Variants in CPQ observed in about 807,000 individuals in gnomAD.
CPQ encodes carboxypeptidase Q, also known as Ser-Met dipeptidase.
In CPQ, 37 loss-of-function variants were observed where a neutral mutation model predicts 45.7. That is an observed-to-expected ratio of 0.81 (90% CI 0.62 to 1.07). CPQ has a LOEUF of 1.07. Among genes scored for constraint, CPQ ranks in the 50% least tolerant of loss-of-function variants. CPQ has a pLI of 0.00. For synonymous variants in CPQ, 186 were observed against 205.8 expected (o/e 0.90, Z 0.82); for missense variants, 537 against 572.9 (o/e 0.94, Z 0.64).
chr8:96,798,446 TCATCTTAAAGACTGG>T (rs757218176), intron 2 of CPQ, among the ~76,000 whole-genome samples: 1 of 152,134 alleles, frequency 6.6e-6, no homozygotes, highest in Non-Finnish European at 1.5e-5. Flanking sequence ...CCCCTAGACC[TCATCTTAAAGACTGG>T]CATTTCAAAG....
chr8:96,985,008 T>C (rs983554661), intron 5 of CPQ, among the ~76,000 whole-genome samples: 1 of 152,168 alleles, frequency 6.6e-6, no homozygotes, highest in African/African-American at 2.4e-5. Context: ...AAACTATCAG[T>C]TTTATTTGAA....
chr8:96,730,857 C>CCATA (rs1290971456), intron 1 of CPQ, among the ~76,000 whole-genome samples: 1,237 of 77,298 alleles, frequency 0.016, 163 homozygotes, highest in East Asian at 0.023. Flanking sequence ...GATCAATTAA[C>CCATA]CATACATACA....
chr8:96,706,700 A>G (rs1809534685), intron 1 of CPQ, among the ~76,000 whole-genome samples: 1 of 152,114 alleles, frequency 6.6e-6, no homozygotes, highest in East Asian at 1.9e-4. Flanking sequence ...ACTGCTTTAC[A>G]TTTTCCGGTT....
At chr8:96,729,663 T>C (rs745934528) in intron 1 of CPQ, among the ~76,000 whole-genome samples, 3 of 152,184 alleles carry the variant, frequency 2.0e-5, no homozygotes, top group Non-Finnish European at 2.9e-5. Flanking sequence ...CTTTACATAT[T>C]TTTCTTAAAA....
rs1197216044 is a variant in CPQ, at chr8:97,061,055, T to C, written c.1054-4954T>C. Among the ~76,000 whole-genome samples the C allele has an allele frequency of 1.9e-4, 29 of 152,160 alleles. 1 individual carries two copies. The highest frequency in any genetic ancestry group is 1.9e-3 in the Admixed American group (29 of 15,264). On this transcript the variant is annotated intron_variant, in intron 6 of 7. Coordinates refer to ENST00000220763, the MANE Select transcript of CPQ (RefSeq NM_016134.4). The stretch of plus-strand genomic sequence containing the variant: ...TTGAAAACATATGGAGATGTTTATA[T>C]ATAAATAGAAAACAATAAAACGCTG...
chr8:96,895,152 G>C (rs1586441810), intron 4 of CPQ, among the ~76,000 whole-genome samples: 1 of 152,128 alleles, frequency 6.6e-6, no homozygotes, highest in South Asian at 2.1e-4. Context: ...GTTAATAGAA[G>C]TTCCTGGTGA....
At chr8:96,704,719 G>C (rs1809510770) in intron 1 of CPQ, among the ~76,000 whole-genome samples, 1 of 152,102 alleles carries the variant, frequency 6.6e-6, no homozygotes, top group South Asian at 2.1e-4. Context: ...AGAGCATTGG[G>C]AAGTTATTAA....
At chr8:96,937,601 G>A (rs947056247) in intron 4 of CPQ, among the ~76,000 whole-genome samples, 1 of 152,164 alleles carries the variant, frequency 6.6e-6, no homozygotes, top group African/African-American at 2.4e-5. Context: ...TCTAGTGTCT[G>A]GAGACCATGA....
At chr8:96,979,684 C>T (rs922599912) in intron 5 of CPQ, among the ~76,000 whole-genome samples, 12 of 151,888 alleles carry the variant, frequency 7.9e-5, no homozygotes, top group African/African-American at 1.2e-4. Context: ...TTTTAATTGC[C>T]GTGGAACGTA....
At chr8:96,921,808 T>A (rs1465095647) in intron 4 of CPQ, among the ~76,000 whole-genome samples, 1 of 152,190 alleles carries the variant, frequency 6.6e-6, no homozygotes, top group African/African-American at 2.4e-5. Flanking sequence ...GTAAGCAACC[T>A]GATATTACTG....
At chr8:96,878,923 G>A (rs998355313) in intron 3 of CPQ, among the ~76,000 whole-genome samples, 1 of 152,206 alleles carries the variant, frequency 6.6e-6, no homozygotes, top group African/African-American at 2.4e-5. Context: ...CACGCACTTG[G>A]AAGCTGTGAC....
chr8:96,772,609 G>A (rs1375162473), intron 1 of CPQ, among the ~76,000 whole-genome samples: 2 of 152,216 alleles, frequency 1.3e-5, no homozygotes, highest in African/African-American at 2.4e-5. Flanking sequence ...GACAGATGGG[G>A]GAAGGGACCC....
intron 1 of CPQ, among the ~76,000 whole-genome samples, chr8:96,713,552 A>C (rs1809640085): frequency 6.6e-6 from 1 of 151,658 alleles, no homozygotes; most frequent in Non-Finnish European, 1.5e-5. Context: ...AGTGGGGAAA[A>C]CCTCCCTAGA....
chr8:96,918,083 G>A (rs1484092034), intron 4 of CPQ, among the ~76,000 whole-genome samples: 2 of 151,980 alleles, frequency 1.3e-5, no homozygotes, highest in Non-Finnish European at 1.5e-5. Context: ...TTTATCCAGG[G>A]GATAATGCAT....
At chr8:96,995,977 C>G (rs1809172781) in intron 5 of CPQ, among the ~76,000 whole-genome samples, 1 of 151,780 alleles carries the variant, frequency 6.6e-6, no homozygotes, top group Non-Finnish European at 1.5e-5. Flanking sequence ...GGAAAAGAAA[C>G]ATATGAGAAA....
At chr8:96,837,579 A>G (rs115397332) in intron 3 of CPQ, among the ~76,000 whole-genome samples, 1 of 151,540 alleles carries the variant, frequency 6.6e-6, no homozygotes, top group Non-Finnish European at 1.5e-5. Flanking sequence ...TGACTGTTTG[A>G]CCTGTGTATC....
At chr8:96,721,564 CA>C (rs1359158333) in intron 1 of CPQ, among the ~76,000 whole-genome samples, 1 of 152,084 alleles carries the variant, frequency 6.6e-6, no homozygotes, top group Non-Finnish European at 1.5e-5. Context: ...AGAATTAGGA[CA>C]ATAATTTTCT....
chr8:96,733,699 C>T (rs986616114), intron 1 of CPQ, among the ~76,000 whole-genome samples: 2 of 151,848 alleles, frequency 1.3e-5, no homozygotes, highest in African/African-American at 2.4e-5. Flanking sequence ...AACATGTAAT[C>T]GTGTAAATAA....
intron 4 of CPQ, among the ~76,000 whole-genome samples, chr8:96,941,711 T>C (rs543128149): frequency 1.3e-5 from 2 of 152,144 alleles, no homozygotes; most frequent in Non-Finnish European, 2.9e-5. Context: ...CCAGAGGTGA[T>C]GTTTTTCTTT....
Sources: allele counts gnomAD v4.1 joint callset (sites outside exome capture counted in the v4.1 genomes callset), GRCh38; gene constraint gnomAD v4.1.1; transcripts MANE v1.5; gene names NCBI Gene and HGNC (gene_info 2026-07-23, HGNC 2026-07-21).